LRRC4C: variants seen among roughly 807,000 people sequenced by gnomAD.
LRRC4C encodes leucine rich repeat containing 4C.
LRRC4C carries 5 observed loss-of-function variants against 33.6 expected under a neutral mutation model. The observed-to-expected ratio is 0.15, with a 90% CI of 0.08 to 0.31. LRRC4C has a LOEUF of 0.31. Among genes scored for constraint, LRRC4C ranks in the 10% least tolerant of loss-of-function variants. The pLI is 1.00. For missense variants in LRRC4C, 560 were observed against 796.7 expected (o/e 0.70, Z 3.58); for synonymous variants, 329 against 302.0 (o/e 1.09, Z -0.93).
chr11:41,248,568 G>A (rs1948528023), intron 1 of LRRC4C, among the ~76,000 whole-genome samples: 1 of 152,006 alleles, frequency 6.6e-6, no homozygotes, highest in Non-Finnish European at 1.5e-5. Context: ...GGTTGGATCT[G>A]CCCCATTGTC....
chr11:40,547,761 C>T (rs1314875701), intron 3 of LRRC4C, among the ~76,000 whole-genome samples: 1 of 152,060 alleles, frequency 6.6e-6, no homozygotes, highest in Admixed American at 6.6e-5. Flanking sequence ...GGTGCTCTCA[C>T]CTACTGAGAT....
intron 3 of LRRC4C, among the ~76,000 whole-genome samples, chr11:40,387,562 T>C (rs1320443871): frequency 3.3e-5 from 5 of 152,186 alleles, no homozygotes; most frequent in African/African-American, 1.2e-4. Context: ...ACTCCTTCTT[T>C]ACCCTTTAAT....
In LRRC4C at chr11:40,946,359, C is replaced by T. The variant is rs1958399634; in HGVS notation, c.-495-12636G>A. 4.6e-5 allele frequency among the ~76,000 whole-genome samples: 7 copies of T among 152,306 alleles called. No individual in the cohort carries two copies. In the South Asian group the frequency reaches 1.5e-3, roughly 32 times the overall value. On this transcript the variant is annotated intron_variant, in intron 1 of 6. Coordinates refer to ENST00000528697, the MANE Select transcript of LRRC4C (RefSeq NM_001258419.2). Reference sequence around the variant, plus strand: ...CCACTGATGGGCACCTAGGTTGATTCTATGACTGCTATGGTGAATAGTGCT... The same window carrying T: ...CCACTGATGGGCACCTAGGTTGATTTTATGACTGCTATGGTGAATAGTGCT...
intron 1 of LRRC4C, among the ~76,000 whole-genome samples, chr11:41,333,345 G>C (rs1227072315): frequency 6.6e-6 from 1 of 152,092 alleles, no homozygotes; most frequent in East Asian, 1.9e-4. Context: ...ATTCTAGAAT[G>C]AACTAGAATA....
At chr11:41,150,523 G>A (rs1275689546) in intron 1 of LRRC4C, among the ~76,000 whole-genome samples, 1 of 152,106 alleles carries the variant, frequency 6.6e-6, no homozygotes, top group Non-Finnish European at 1.5e-5. Flanking sequence ...CAGGCGCGGT[G>A]GCTCACGCCT....
intron 3 of LRRC4C, among the ~76,000 whole-genome samples, chr11:40,521,531 C>T (rs1364117443): frequency 6.6e-6 from 1 of 152,060 alleles, no homozygotes; most frequent in African/African-American, 2.4e-5. Context: ...ATGAGAAATG[C>T]ACAGAGACAA....
chr11:41,150,099 C>T (rs1943923990), intron 1 of LRRC4C, among the ~76,000 whole-genome samples: 1 of 152,146 alleles, frequency 6.6e-6, no homozygotes, highest in Non-Finnish European at 1.5e-5. Flanking sequence ...CCTCTAAGTG[C>T]CTTTCCCTTA....
At chr11:40,950,728 A>T (rs1389727832) in intron 1 of LRRC4C, among the ~76,000 whole-genome samples, 1 of 152,190 alleles carries the variant, frequency 6.6e-6, no homozygotes, top group South Asian at 2.1e-4. Flanking sequence ...CCCATACCCA[A>T]GTAAGTTTAT....
At chr11:40,681,728 C>G (rs754171211) in intron 2 of LRRC4C, among the ~76,000 whole-genome samples, 1 of 151,920 alleles carries the variant, frequency 6.6e-6, no homozygotes. Context: ...GGTGAAACCC[C>G]GTCTCTACAA....
chr11:40,378,198 T>C (rs948286397), intron 3 of LRRC4C, among the ~76,000 whole-genome samples: 1 of 152,056 alleles, frequency 6.6e-6, no homozygotes. Context: ...AAGAAATGAA[T>C]TGATGCAAGA....
At chr11:40,651,772 A>T (rs1049701024) in intron 2 of LRRC4C, among the ~76,000 whole-genome samples, 22 of 152,172 alleles carry the variant, frequency 1.4e-4, no homozygotes, top group Admixed American at 1.4e-3. Flanking sequence ...TTTCTGTTCA[A>T]TAGTGTGGTT....
At chr11:41,134,692 C>G (rs1207259348) in intron 1 of LRRC4C, among the ~76,000 whole-genome samples, 22 of 152,078 alleles carry the variant, frequency 1.4e-4, no homozygotes, top group Non-Finnish European at 1.5e-5. Context: ...AAAGACCAGC[C>G]ATTGGATGAA....
intron 2 of LRRC4C, among the ~76,000 whole-genome samples, chr11:40,660,023 G>A (rs919594482): frequency 6.6e-6 from 1 of 152,048 alleles, no homozygotes; most frequent in African/African-American, 2.4e-5. Context: ...CCAGGGCTGT[G>A]ACACCCTCTC....
intron 4 of LRRC4C, among the ~76,000 whole-genome samples, chr11:40,242,697 A>G (rs1866012616): frequency 6.6e-6 from 1 of 152,156 alleles, no homozygotes; most frequent in Non-Finnish European, 1.5e-5. Context: ...TTTAATATAT[A>G]AAGAAAGCTA....
chr11:40,183,328 AAT>A (rs1277152294), intron 5 of LRRC4C, among the ~76,000 whole-genome samples: 2 of 152,206 alleles, frequency 1.3e-5, no homozygotes, highest in Non-Finnish European at 2.9e-5. Flanking sequence ...TGCAACTACC[AAT>A]AATGAAATTA....
At chr11:40,218,569 A>G (rs1864139762) in intron 5 of LRRC4C, among the ~76,000 whole-genome samples, 1 of 150,408 alleles carries the variant, frequency 6.6e-6, no homozygotes. Flanking sequence ...GAAACTTGAG[A>G]TGAAGAATCT....
At chr11:40,507,898 C>A (rs928632325) in intron 3 of LRRC4C, among the ~76,000 whole-genome samples, 3 of 152,040 alleles carry the variant, frequency 2.0e-5, no homozygotes, top group Admixed American at 6.5e-5. Context: ...CACCACCACA[C>A]CTGGTTAACT....
chr11:41,183,553 C>A (rs190347304), intron 1 of LRRC4C, among the ~76,000 whole-genome samples: 9 of 152,244 alleles, frequency 5.9e-5, no homozygotes, highest in Admixed American at 5.9e-4. Context: ...GAGATGGGTT[C>A]CCAGGGTCTT....
At chr11:41,420,671 A>G (rs1368580948) in intron 1 of LRRC4C, among the ~76,000 whole-genome samples, 1 of 152,052 alleles carries the variant, frequency 6.6e-6, no homozygotes, top group Non-Finnish European at 1.5e-5. Flanking sequence ...TCCAGGATCC[A>G]GAGCCAGATT....
Sources: gnomAD v4.1 joint callset for allele counts (sites outside exome capture counted in the v4.1 genomes callset) on GRCh38, gnomAD v4.1.1 for gene constraint, MANE v1.5 for transcripts, NCBI Gene and HGNC (gene_info 2026-07-23, HGNC 2026-07-21) for gene names.